MFSD2A: variants seen among roughly 807,000 people sequenced by gnomAD.
MFSD2A encodes the protein MFSD2 lysolipid transporter A, lysophospholipid.
Under a neutral mutation model 64.7 loss-of-function variants are expected in MFSD2A, and 27 were observed. The ratio of observed to expected loss-of-function variants is 0.42; its 90% CI spans 0.31 to 0.58. The LOEUF (loss-of-function observed/expected upper bound fraction) is 0.58, where lower values mean the gene tolerates loss of function less well. Among genes scored for constraint, MFSD2A ranks in the 20% least tolerant of loss-of-function variants. The pLI, the probability that MFSD2A is intolerant of heterozygous loss-of-function variation, is 0.18. For missense variants in MFSD2A, 474 were observed against 679.5 expected, an observed-to-expected ratio of 0.70 and a Z score of 3.36; for synonymous variants, 258 against 273.4, an observed-to-expected ratio of 0.94 and a Z score of 0.55.
At position 39,969,706 on chromosome 1, in the gene MFSD2A, C is replaced by G; in HGVS notation, c.*138C>G. ...TCAAGGAGGTGGCCCAGGACACTTG[C>G]TGTGCTCACTGTGGGGCCGGCTGCT... On this transcript the variant is annotated 3_prime_UTR_variant, in exon 14 of 14. Transcript: ENST00000372811. 1.2e-6 allele frequency: 1 copy of G among 801,032 alleles called. No individual in the cohort carries two copies. The highest frequency in any genetic ancestry group is 1.7e-5 in the South Asian group (1 of 57,426). 49.6% of individuals were successfully genotyped at this position (801,032 alleles called of 1,614,324 possible).
chr1:39,959,000 G>C lies in MFSD2A; in HGVS notation c.353+175G>C, dbSNP rs531212258. Among the ~76,000 whole-genome samples, 1 of 152,272 alleles carries C rather than the reference G, an allele frequency of 6.6e-6. No individual in the cohort carries two copies. Among genetic ancestry groups the C allele is most frequent in the Admixed American group, 6.5e-5 (1 of 15,296 alleles). ...TCAGCTACCCTGAGCACGGGCACTG[G>C]CATGCTCAGCCAGTTCATTTCCAGG... is the stretch of plus-strand genomic sequence containing the variant. On this transcript the variant is annotated intron_variant, in intron 3 of 13. Coordinates refer to ENST00000372811, the MANE Select transcript of MFSD2A (RefSeq NM_032793.5). This position sits in a 1 kb window ranked among gnomAD's most constrained non-coding sequence, Gnocchi z 4.7.
chr1:39,960,229 G>GT lies in MFSD2A; in HGVS notation c.353+1405dup, dbSNP rs1645006100. ...TCCCTCCAGGACATCCTGCTTCAGG[G>GT]TGTGGGGGGGCATACCCCTTTCATC... On this transcript the variant is annotated intron_variant, in intron 3 of 13. Coordinates refer to ENST00000372811, the MANE Select transcript of MFSD2A (RefSeq NM_032793.5). The surrounding 1 kb of genome is among the most constrained non-coding windows in gnomAD (Gnocchi z 4.8). Among the ~76,000 whole-genome samples, 1 of 152,216 alleles carries GT rather than the reference G, an allele frequency of 6.6e-6. No homozygotes were observed. The highest frequency in any genetic ancestry group is 2.1e-4 in the South Asian group (1 of 4,836).
intron 3 of MFSD2A, chr1:39,962,825 C>G: frequency 7.2e-7 from 1 of 1,387,206 alleles, no homozygotes; most frequent in Non-Finnish European, 1.0e-6. Flanking sequence ...GATCTGAGAT[C>G]ATTGACTTTT....
chr1:39,956,944 AAG>A (rs1434698118), intron 1 of MFSD2A, 141 bp from the exon 2 acceptor site: 17 of 537,814 alleles, frequency 3.2e-5, no homozygotes, highest in African/African-American at 1.9e-4. Flanking sequence ...AAAAAAAAAA[AAG>A]GTGGGATCTC....
chr1:39,957,228 G>C lies in MFSD2A; in HGVS notation c.228+7G>C. On this transcript the variant is annotated splice_region_variant and intron_variant, in intron 2 of 13. Transcript: ENST00000372811. ...CCTATTGGATGTGGCTCAGGTGAGT[G>C]GTCTAAGCCTTCGAGGGCTCCTTCA... 1.3e-6 allele frequency: 2 copies of C among 1,554,554 alleles called. No individual in the cohort carries two copies. The highest frequency in any genetic ancestry group is 1.7e-6 in the Non-Finnish European group (2 of 1,149,234).
chr1:39,957,103 A>G lies in MFSD2A; in HGVS notation c.110A>G (p.Lys37Arg). The change falls in exon 2 of 14, where the codon AAG becomes AGG. Residue 37 changes from lysine (K) to arginine (R), a missense_variant. Coordinates refer to ENST00000372811, the MANE Select transcript of MFSD2A (RefSeq NM_032793.5). The stretch of plus-strand genomic sequence containing the variant: ...TCTTCCCAGAAAGAACCGAAAAAGA[A>G]GAAACAACAGTTGTCTGTTTGCAAC... ...PAQVKKEPKK[K>R]KQQLSVCNKL... 1 of 1,614,144 alleles carries G rather than the reference A, an allele frequency of 6.2e-7. No homozygotes were observed. The highest frequency in any genetic ancestry group is 8.5e-7 in the Non-Finnish European group (1 of 1,180,020).
Position 39,955,175 on chromosome 1 carries a change from G to C in MFSD2A, c.-118G>C. 3 of 794,674 alleles carry C rather than the reference G, an allele frequency of 3.8e-6. No homozygotes were observed. Among genetic ancestry groups the C allele is most frequent in the Non-Finnish European group, 5.2e-6 (3 of 574,606 alleles). 49.2% of individuals were successfully genotyped at this position (794,674 alleles called of 1,614,324 possible). On this transcript the variant is annotated 5_prime_UTR_variant, in exon 1 of 14. Transcript: ENST00000372811. The surrounding 1 kb of genome is among the most constrained non-coding windows in gnomAD (Gnocchi z 5.9). The stretch of plus-strand genomic sequence containing the variant: ...GCGTTCCTCGTCTGCCAGCCGGCTT[G>C]GCTAGCGCGCGGCGGCCGTGGCTAA...
In MFSD2A at chr1:39,960,816, G is replaced by A. The variant is rs781288619; in HGVS notation, c.353+1991G>A. Among the ~76,000 whole-genome samples the A allele has an allele frequency of 3.9e-5, 6 of 152,320 alleles. No individual in the cohort carries two copies. The highest frequency in any genetic ancestry group is 7.3e-5 in the Non-Finnish European group (5 of 68,034). ...GAACTGAGCAACTTCCTGGGCAGGCGTGGCAGCCAGTTTGGGGAAGTTGCT... is the reference window on the plus strand; with the variant it reads ...GAACTGAGCAACTTCCTGGGCAGGCATGGCAGCCAGTTTGGGGAAGTTGCT... On this transcript the variant is annotated intron_variant, in intron 3 of 13. Coordinates refer to ENST00000372811, the MANE Select transcript of MFSD2A (RefSeq NM_032793.5). This position sits in a 1 kb window ranked among gnomAD's most constrained non-coding sequence, Gnocchi z 4.8.
At position 39,963,292 on chromosome 1, in the gene MFSD2A, GC is replaced by G; in HGVS notation, c.354-1918del. On this transcript the variant is annotated intron_variant, in intron 3 of 13. Coordinates refer to ENST00000372811, the MANE Select transcript of MFSD2A (RefSeq NM_032793.5). This position sits in a 1 kb window ranked among gnomAD's most constrained non-coding sequence, Gnocchi z 4.2. ...TTTGATGCCATCTCTAAGACCTACA[GC>G]TACCTGACCCCCGACCTCTGGAAGG... is the stretch of plus-strand genomic sequence containing the variant. The G allele has an allele frequency of 7.3e-7, 1 of 1,372,786 alleles. No individual in the cohort carries two copies. Among genetic ancestry groups the G allele is most frequent in the South Asian group, 1.2e-5 (1 of 84,700 alleles). The allele number at this position is 1,372,786 out of a possible 1,614,324, so 85.0% of individuals were successfully genotyped here.
Position 39,958,763 on chromosome 1 carries a change from C to A in MFSD2A, c.291C>A (p.Asp97Glu), listed in dbSNP as rs1446742236. Residue 97 changes from aspartate (D) to glutamate (E), a missense_variant, in exon 3 of 14, where the codon GAC becomes GAA. By Grantham distance (45) the Asp-to-Glu change is conservative (BLOSUM62 2). Coordinates refer to ENST00000372811, the MANE Select transcript of MFSD2A (RefSeq NM_032793.5). The surrounding 1 kb of genome is among the most constrained non-coding windows in gnomAD (Gnocchi z 4.7). ...FVGRAWDAIT[D>E]PLVGLCISKS... ...GCCGAGCCTGGGATGCCATCACAGA[C>A]CCCCTGGTGGGCCTCTGCATCAGCA... 1 of 1,614,050 alleles carries A rather than the reference C, an allele frequency of 6.2e-7. No homozygotes were observed. Among genetic ancestry groups the A allele is most frequent in the South Asian group, 1.1e-5 (1 of 91,072 alleles).
At chr1:39,956,313 T>C (rs764965695) in intron 1 of MFSD2A, among the ~76,000 whole-genome samples, 9 of 152,154 alleles carry the variant, frequency 5.9e-5, no homozygotes, top group Non-Finnish European at 8.8e-5. Flanking sequence ...TGCTCTGGGA[T>C]AGGTGGAACA....
At position 39,965,686 on chromosome 1, in the gene MFSD2A, G is replaced by A; in HGVS notation, c.556+137G>A. On this transcript the variant is annotated intron_variant, in intron 5 of 13. Transcript: ENST00000372811. This position sits in a 1 kb window ranked among gnomAD's most constrained non-coding sequence, Gnocchi z 5.5. ...TTAAAAATAACTCAATCCCCTTATT[G>A]CTCAGATGAGACCTGGAGAGGTGCA... 1 of 1,216,576 alleles carries A rather than the reference G, an allele frequency of 8.2e-7. No individual in the cohort carries two copies. Among genetic ancestry groups the A allele is most frequent in the East Asian group, 2.4e-5 (1 of 42,366 alleles). The allele number at this position is 1,216,576 out of a possible 1,614,324, so 75.4% of individuals were successfully genotyped here.
intron 2 of MFSD2A, among the ~76,000 whole-genome samples, chr1:39,957,485 C>T (rs922482846): frequency 2.3e-4 from 35 of 152,158 alleles, no homozygotes; most frequent in African/African-American, 6.8e-4. Context: ...AAGGGGTAGG[C>T]GGTAGAATGA....
chr1:39,964,037 A>G lies in MFSD2A; in HGVS notation c.354-1174A>G, dbSNP rs1232624439. 6.6e-6 allele frequency among the ~76,000 whole-genome samples: 1 copy of G among 152,184 alleles called. No individual in the cohort carries two copies. Among genetic ancestry groups the G allele is most frequent in the African/African-American group, 2.4e-5 (1 of 41,438 alleles). On this transcript the variant is annotated intron_variant, in intron 3 of 13. Transcript: ENST00000372811. The surrounding 1 kb of genome is among the most constrained non-coding windows in gnomAD (Gnocchi z 4.1). ...AGGCATGAGCCACTGCGCCTAGCCTAAGTACATTCACTTTGTCGCCACCAT... is the reference window on the plus strand; with the variant it reads ...AGGCATGAGCCACTGCGCCTAGCCTGAGTACATTCACTTTGTCGCCACCAT...
Position 39,969,584 on chromosome 1 carries a change from C to T in MFSD2A, c.*16C>T. The T allele has an allele frequency of 6.2e-7, 1 of 1,608,628 alleles. No homozygotes were observed. The highest frequency in any genetic ancestry group is 8.5e-7 in the Non-Finnish European group (1 of 1,177,676). The stretch of plus-strand genomic sequence containing the variant: ...CATCCTCTAGGGCCCGCCACGTTGC[C>T]CGAAGCCACCATGCAGAAGGCCACA... On this transcript the variant is annotated 3_prime_UTR_variant, in exon 14 of 14. Coordinates refer to ENST00000372811, the MANE Select transcript of MFSD2A (RefSeq NM_032793.5).
At position 39,965,591 on chromosome 1, in the gene MFSD2A, C is replaced by T. The variant is rs1645143339; in HGVS notation, c.556+42C>T. 6.3e-7 allele frequency: 1 copy of T among 1,590,122 alleles called. No homozygotes were observed. Among genetic ancestry groups the T allele is most frequent in the Non-Finnish European group, 8.6e-7 (1 of 1,158,564 alleles). Reference sequence around the variant, plus strand: ...CACCTGACCCCACCCTCCAGGGACCCTCCAGCCATACTTCTTCCCTTGCGG... The same window carrying T: ...CACCTGACCCCACCCTCCAGGGACCTTCCAGCCATACTTCTTCCCTTGCGG... On this transcript the variant is annotated intron_variant, in intron 5 of 13. Coordinates refer to ENST00000372811, the MANE Select transcript of MFSD2A (RefSeq NM_032793.5). The surrounding 1 kb of genome is among the most constrained non-coding windows in gnomAD (Gnocchi z 5.5).
Position 39,964,792 on chromosome 1 carries a change from T to G in MFSD2A, c.354-419T>G, listed in dbSNP as rs1645121669. The G allele has an allele frequency of 6.6e-5, 14 of 211,732 alleles. No individual in the cohort carries two copies. In the South Asian group the frequency reaches 1.1e-3, roughly 17 times the overall value. The allele number at this position is 211,732 out of a possible 1,614,324, so 13.1% of individuals were successfully genotyped here. ...TGTGTGTGTGAATGAGGTGTGTGTG[T>G]GAATGGGGTGTGTGTGTGAATGGGG... On this transcript the variant is annotated intron_variant, in intron 3 of 13. Coordinates refer to ENST00000372811, the MANE Select transcript of MFSD2A (RefSeq NM_032793.5). The surrounding 1 kb of genome is among the most constrained non-coding windows in gnomAD (Gnocchi z 4.1).
intron 11 of MFSD2A, 47 bp downstream of exon 11, chr1:39,967,963 C>G (rs534185258): frequency 8.0e-7 from 1 of 1,253,504 alleles, no homozygotes; most frequent in Non-Finnish European, 1.1e-6. Flanking sequence ...AGCCCCTAGT[C>G]CCCAGTTTTG....
rs1363481327 is a variant in MFSD2A, at chr1:39,968,563, C to G, written c.1353-6C>G. The stretch of plus-strand genomic sequence containing the variant: ...TCACCGTTCTCCTACCCCCTGGGTC[C>G]CATAGCTTTGCAGGGTACCAGACCC... On this transcript the variant is annotated splice_region_variant and splice_polypyrimidine_tract_variant and intron_variant, in intron 12 of 13. Transcript: ENST00000372811. This position sits in a 1 kb window ranked among gnomAD's most constrained non-coding sequence, Gnocchi z 4.4. The G allele has an allele frequency of 9.3e-6, 15 of 1,613,978 alleles. No homozygotes were observed. The Admixed American group carries it at 2.5e-4, about 27-fold the overall frequency.
Sources: allele counts gnomAD v4.1 joint callset (sites outside exome capture counted in the v4.1 genomes callset), GRCh38; gene constraint gnomAD v4.1.1; non-coding constraint Gnocchi (gnomAD v3.1); transcripts MANE v1.5; gene names NCBI Gene and HGNC (gene_info 2026-07-23, HGNC 2026-07-21).